TCF4: variants seen among roughly 807,000 people sequenced by gnomAD.
The protein encoded by TCF4 is transcription factor 4, also known as SL3-3 enhancer factor 2.
In TCF4, 3 loss-of-function variants were observed where a neutral mutation model predicts 82.1. The observed-to-expected ratio is 0.04, with a 90% confidence interval of 0.02 to 0.09. The LOEUF (loss-of-function observed/expected upper bound fraction) is 0.09. Ranked by LOEUF, TCF4 falls within the 10% of genes least tolerant of loss-of-function variation. The pLI, the probability that TCF4 is intolerant of heterozygous loss-of-function variation, is 1.00. For synonymous variants in TCF4, 276 were observed against 309.6 expected, an observed-to-expected ratio of 0.89 and a Z score of 1.14; for missense variants, 518 against 852.7, an observed-to-expected ratio of 0.61 and a Z score of 4.89.
chr18:55,554,397 G>A (rs777061624), intron 3 of TCF4, among the ~76,000 whole-genome samples: 1 of 151,582 alleles, frequency 6.6e-6, no homozygotes, highest in Non-Finnish European at 1.5e-5. Context: ...TATTAATAAG[G>A]GTACACACTG....
At chr18:55,532,581 C>T (rs913359209) in intron 3 of TCF4, among the ~76,000 whole-genome samples, 1 of 152,202 alleles carries the variant, frequency 6.6e-6, no homozygotes, top group Non-Finnish European at 1.5e-5. Context: ...TCACTAGTTT[C>T]ATAGATTTGG....
chr18:55,297,340 C>A (rs1195673698), intron 8 of TCF4, among the ~76,000 whole-genome samples: 1 of 151,978 alleles, frequency 6.6e-6, no homozygotes, highest in African/African-American at 2.4e-5. Flanking sequence ...AGGCTTGTAT[C>A]ATACTGTATT....
intron 6 of TCF4, among the ~76,000 whole-genome samples, chr18:55,365,814 C>T (rs368298638): frequency 2.6e-4 from 40 of 152,246 alleles, no homozygotes; most frequent in African/African-American, 9.6e-4. Context: ...ATCGCTTGAA[C>T]TCGGAAGGCA....
At chr18:55,350,265 G>T in intron 8 of TCF4, 94 bp downstream of exon 8, 1 of 1,320,876 alleles carries the variant, frequency 7.6e-7, no homozygotes, top group Non-Finnish European at 1.1e-6. Context: ...TGCTGCTCTG[G>T]GCGCATGGAA....
intron 17 of TCF4, 163 bp from the exon 18 acceptor site, chr18:55,229,239 CT>C: frequency 4.0e-6 from 3 of 748,696 alleles, no homozygotes; most frequent in Non-Finnish European, 6.9e-6. Flanking sequence ...GTTTAGATGG[CT>C]TTGACAGTTC....
chr18:55,583,619 G>A (rs944763172), intron 3 of TCF4, among the ~76,000 whole-genome samples: 3 of 151,942 alleles, frequency 2.0e-5, no homozygotes, highest in African/African-American at 7.2e-5. Flanking sequence ...TATTCTAAAT[G>A]CATATTTTCA....
chr18:55,228,576 G>T (rs1471157060), intron 18 of TCF4, among the ~76,000 whole-genome samples: 1 of 152,164 alleles, frequency 6.6e-6, no homozygotes. Context: ...GTAAGCAAAG[G>T]TTGGTAAAGC....
intron 15 of TCF4, among the ~76,000 whole-genome samples, chr18:55,249,631 C>T (rs2054396069): frequency 6.6e-6 from 1 of 152,172 alleles, no homozygotes; most frequent in African/African-American, 2.4e-5. Context: ...TTCCTACTAG[C>T]CTGTGAATTC....
intron 3 of TCF4, among the ~76,000 whole-genome samples, chr18:55,549,345 T>C (rs1206597445): frequency 6.6e-6 from 1 of 152,064 alleles, no homozygotes; most frequent in Non-Finnish European, 1.5e-5. Context: ...AAAAAAAAAT[T>C]GACCTTAGCT....
intron 8 of TCF4, among the ~76,000 whole-genome samples, chr18:55,345,603 G>A (rs956088838): frequency 6.6e-6 from 1 of 152,096 alleles, no homozygotes; most frequent in Non-Finnish European, 1.5e-5. Flanking sequence ...AATACTGAGA[G>A]CTATCTTAAT....
chr18:55,283,158 G>A (rs921499485), intron 8 of TCF4, among the ~76,000 whole-genome samples: 9 of 150,638 alleles, frequency 6.0e-5, no homozygotes, highest in African/African-American at 1.7e-4. Flanking sequence ...ACTGACCAAA[G>A]TAAACAAAAA....
chr18:55,363,529 C>T (rs116148909), intron 6 of TCF4, among the ~76,000 whole-genome samples: 2,394 of 152,182 alleles, frequency 0.016, 82 homozygotes, highest in African/African-American at 0.053. Flanking sequence ...CCCAGCTGGG[C>T]GTAGTAGCTC....
chr18:55,565,702 T>C (rs1299319622), intron 3 of TCF4, among the ~76,000 whole-genome samples: 1 of 152,114 alleles, frequency 6.6e-6, no homozygotes, highest in Non-Finnish European at 1.5e-5. Flanking sequence ...ATCTATAAAA[T>C]TGCATAGTCT....
intron 5 of TCF4, among the ~76,000 whole-genome samples, chr18:55,423,128 T>C (rs2094837988): frequency 6.6e-6 from 1 of 151,674 alleles, no homozygotes; most frequent in African/African-American, 2.4e-5. Context: ...AAAATTATTT[T>C]GTTTTTAGGC....
In TCF4 at chr18:55,403,593, C is replaced by A. The variant is rs747885226; in HGVS notation, c.305-75G>T. ...AAAATCTCCTCCAGGTAACAGACATCTACTGCTCTTCCCCGATGTTTACAT... is the reference window on the plus strand; with the variant it reads ...AAAATCTCCTCCAGGTAACAGACATATACTGCTCTTCCCCGATGTTTACAT... On this transcript the variant is annotated intron_variant, in intron 5 of 19. Coordinates refer to ENST00000354452, the MANE Select transcript of TCF4 (RefSeq NM_001083962.2). The A allele has an allele frequency of 3.1e-6, 5 of 1,613,518 alleles. No homozygotes were observed. In the South Asian group the frequency reaches 3.3e-5, roughly 11 times the overall value.
At chr18:55,548,620 C>T (rs2097228022) in intron 3 of TCF4, among the ~76,000 whole-genome samples, 1 of 152,118 alleles carries the variant, frequency 6.6e-6, no homozygotes, top group Admixed American at 6.6e-5. Flanking sequence ...ATTGTGAGAA[C>T]ATTATAGAGT....
At chr18:55,529,343 T>A (rs185924834) in intron 3 of TCF4, among the ~76,000 whole-genome samples, 1 of 152,220 alleles carries the variant, frequency 6.6e-6, no homozygotes, top group African/African-American at 2.4e-5. Context: ...CAGCATCTCA[T>A]GAGTAAACAG....
intron 3 of TCF4, among the ~76,000 whole-genome samples, chr18:55,516,684 A>T (rs1426820103): frequency 6.6e-6 from 1 of 152,148 alleles, no homozygotes; most frequent in Non-Finnish European, 1.5e-5. Context: ...GGACCCAACT[A>T]TGGAGAACCT....
chr18:55,272,172 A>G (rs1396344427), intron 10 of TCF4, among the ~76,000 whole-genome samples: 1 of 152,150 alleles, frequency 6.6e-6, no homozygotes, highest in Non-Finnish European at 1.5e-5. Flanking sequence ...ATTAATCCCC[A>G]TAGATTATAA....
Sources: allele counts gnomAD v4.1 joint callset (sites outside exome capture counted in the v4.1 genomes callset), GRCh38; gene constraint gnomAD v4.1.1; transcripts MANE v1.5; gene names NCBI Gene and HGNC (gene_info 2026-07-23, HGNC 2026-07-21).